CFAP54: variants seen among roughly 807,000 people sequenced by gnomAD.
CFAP54 encodes cilia and flagella associated protein 54.
CFAP54 carries 290 observed loss-of-function variants against 370.4 expected under a neutral mutation model. The observed-to-expected ratio is 0.78, with a 90% CI of 0.71 to 0.86. CFAP54 has a LOEUF of 0.86. Among genes scored for constraint, CFAP54 ranks in the 40% least tolerant of loss-of-function variants. The pLI is 0.00. For synonymous variants in CFAP54, 1,206 were observed against 1,236.5 expected, an observed-to-expected ratio of 0.98 and a Z score of 0.52; for missense variants, 3,399 against 3,528.7, an observed-to-expected ratio of 0.96 and a Z score of 0.93.
intron 26 of CFAP54, among the ~76,000 whole-genome samples, chr12:96,613,176 G>T (rs570760101): frequency 4.6e-5 from 7 of 152,286 alleles, no homozygotes; most frequent in African/African-American, 1.7e-4. Context: ...CTGTCTCTGA[G>T]ACCACAGAGC....
intron 20 of CFAP54, 35 bp from the exon 21 acceptor site, chr12:96,580,562 T>G (rs1178835659): frequency 1.6e-6 from 2 of 1,230,404 alleles, no homozygotes; most frequent in Non-Finnish European, 2.2e-6. Context: ...TATAAAAGAA[T>G]GCCTTTTAAA....
chr12:96,639,896 T>G (rs1956705282), intron 32 of CFAP54, among the ~76,000 whole-genome samples: 1 of 152,134 alleles, frequency 6.6e-6, no homozygotes, highest in African/African-American at 2.4e-5. Flanking sequence ...TGCTAAAAAC[T>G]CTCAATAAAT....
rs772609912 is a variant in CFAP54 at position 96,708,618 on chromosome 12, A to G, written c.6539A>G (p.Glu2180Gly). Residue 2180 changes from glutamate (E) to glycine (G), a missense_variant, in exon 48 of 68, where the codon GAA becomes GGA. Coordinates refer to ENST00000524981, the MANE Select transcript of CFAP54 (RefSeq NM_001306084.2). ...TTTTCCATTTTTTAGGCAATTGATGAATTAAGAAATAAAGGCTTGCCTGCA... is the reference window on the plus strand; with the variant it reads ...TTTTCCATTTTTTAGGCAATTGATGGATTAAGAAATAAAGGCTTGCCTGCA... ...TSKENIQAID[E>G]LRNKGLPAVL... is the part of the protein sequence containing the mutation. 4.2e-5 allele frequency: 67 copies of G among 1,587,932 alleles called. No individual in the cohort carries two copies. Among genetic ancestry groups the G allele is most frequent in the Non-Finnish European group, 5.5e-5 (65 of 1,173,738 alleles).
intron 39 of CFAP54, among the ~76,000 whole-genome samples, chr12:96,672,105 T>C (rs1391644059): frequency 6.6e-6 from 1 of 151,958 alleles, no homozygotes; most frequent in Non-Finnish European, 1.5e-5. Context: ...GGCTTTGTTT[T>C]GTTTGTATGT....
chr12:96,522,286 T>C, intron 8 of CFAP54, 97 bp downstream of exon 8: 1 of 834,818 alleles, frequency 1.2e-6, no homozygotes, highest in Non-Finnish European at 1.8e-6. Context: ...ATTATTAAAT[T>C]CTGCCCCCAG....
At chr12:96,645,843 A>G (rs1055945395) in intron 33 of CFAP54, 17 of 152,246 alleles carry the variant, frequency 1.1e-4, no homozygotes, top group African/African-American at 3.4e-4. Context: ...AAAACAAAAA[A>G]TGGGGAAAGG....
At chr12:96,574,246 C>G (rs1446718443) in intron 19 of CFAP54, among the ~76,000 whole-genome samples, 1 of 152,066 alleles carries the variant, frequency 6.6e-6, no homozygotes, top group African/African-American at 2.4e-5. Flanking sequence ...CAAATGGAAA[C>G]TTCAACCTCA....
rs533219700 is a variant in CFAP54, at chr12:96,829,058, G to C, written c.9141G>C (p.Leu3047Phe). 1 of 1,519,922 alleles carries C rather than the reference G, an allele frequency of 6.6e-7. No homozygotes were observed. The highest frequency in any genetic ancestry group is 1.2e-5 in the South Asian group (1 of 82,760). The allele number at this position is 1,519,922 out of a possible 1,614,324, so 94.2% of individuals were successfully genotyped here. Residue 3047 changes from leucine (L) to phenylalanine (F), a missense_variant, in exon 66 of 68, where the codon TTG becomes TTC. Transcript: ENST00000524981. ...GCTCTGAAATAGCATCTCTGTTTTT[G>C]AATGATAAAGAGCCAACACCACTAT... ...QCCSEIASLFLNDKEPTPLSE... is the reference protein window; with the variant it reads ...QCCSEIASLFFNDKEPTPLSE...
Position 96,555,549 on chromosome 12 carries a change from AATAATATATAATAC to A in CFAP54, c.2410+761_2410+774del, listed in dbSNP as rs199501861. On this transcript the variant is annotated intron_variant, in intron 17 of 67. Coordinates refer to ENST00000524981, the MANE Select transcript of CFAP54 (RefSeq NM_001306084.2). The stretch of plus-strand genomic sequence containing the variant: ...AGAATCTATCAGCATATACAAAAAT[AATAATATATAATAC>A]ATAATATATAATATGTAATATATAA... Among the ~76,000 whole-genome samples, 936 of 148,734 alleles carry A rather than the reference AATAATATATAATAC, an allele frequency of 6.3e-3. 21 individuals carry two copies. The highest frequency in any genetic ancestry group is 0.044 in the Admixed American group (646 of 14,850).
chr12:96,703,431 T>C (rs748901488), intron 46 of CFAP54, among the ~76,000 whole-genome samples: 3 of 152,096 alleles, frequency 2.0e-5, no homozygotes, highest in Non-Finnish European at 4.4e-5. Flanking sequence ...ACCATCTACA[T>C]GTGAGCAACC....
At chr12:96,638,479 C>G (rs1299286670) in intron 32 of CFAP54, among the ~76,000 whole-genome samples, 1 of 151,764 alleles carries the variant, frequency 6.6e-6, no homozygotes, top group Non-Finnish European at 1.5e-5. Context: ...CCCAAGTGAT[C>G]CTCCTGCCTC....
chr12:96,782,246 C>T (rs979127053), intron 60 of CFAP54, among the ~76,000 whole-genome samples: 1 of 151,996 alleles, frequency 6.6e-6, no homozygotes, highest in African/African-American at 2.4e-5. Flanking sequence ...GATGCCAAAA[C>T]TATTCCCTTT....
At chr12:96,569,510 G>A (rs532405211) in intron 19 of CFAP54, among the ~76,000 whole-genome samples, 12 of 152,090 alleles carry the variant, frequency 7.9e-5, no homozygotes, top group Non-Finnish European at 1.2e-4. Context: ...ACTGTGTTTC[G>A]TAGACCCTCC....
chr12:96,544,141 A>G (rs1955610349), intron 14 of CFAP54, among the ~76,000 whole-genome samples: 1 of 151,972 alleles, frequency 6.6e-6, no homozygotes, highest in Non-Finnish European at 1.5e-5. Context: ...TCCCAATAAC[A>G]TAAACCATCA....
chr12:96,592,017 A>G (rs2136434981), intron 23 of CFAP54, among the ~76,000 whole-genome samples: 1 of 151,718 alleles, frequency 6.6e-6, no homozygotes, highest in South Asian at 2.1e-4. Flanking sequence ...ATGAATTTGT[A>G]CTGAAGCCCA....
At chr12:96,494,714 A>T (rs1229686567) in intron 1 of CFAP54, among the ~76,000 whole-genome samples, 3 of 151,928 alleles carry the variant, frequency 2.0e-5, no homozygotes, top group Non-Finnish European at 4.4e-5. Flanking sequence ...AATATATTTG[A>T]CAGATGGTTA....
rs562301989 is a variant in CFAP54, at chr12:96,592,634, A to G, written c.3357A>G (p.Gln1119=). Residue 1119 remains glutamine, a synonymous_variant, in exon 24 of 68, where the codon CAA becomes CAG. Transcript: ENST00000524981. ...AAGGCAATGAGATTTTCCCATCTCA[A>G]CAAGTAAGTGAATTAAAGTGACTAA... The part of the protein sequence containing the change: ...NIKGNEIFPS[Q]QIARLIECER... 1.8e-6 allele frequency: 2 copies of G among 1,125,042 alleles called. No homozygotes were observed. Among genetic ancestry groups the G allele is most frequent in the East Asian group, 3.0e-5 (1 of 33,824 alleles). The allele number at this position is 1,125,042 out of a possible 1,614,324, so 69.7% of individuals were successfully genotyped here. A position where few individuals can be genotyped will look rare whatever the true frequency, so the allele number is the denominator to read the frequency against.
At chr12:96,536,354 A>G (rs997130165) in intron 12 of CFAP54, among the ~76,000 whole-genome samples, 1 of 152,198 alleles carries the variant, frequency 6.6e-6, no homozygotes, top group African/African-American at 2.4e-5. Context: ...TGTCATTTTT[A>G]AAAAGTATGT....
At chr12:96,497,891 C>G (rs1954975284) in intron 1 of CFAP54, among the ~76,000 whole-genome samples, 1 of 152,218 alleles carries the variant, frequency 6.6e-6, no homozygotes. Context: ...ATAGTGTGTT[C>G]ATCTTCCTGC....
Sources: allele counts gnomAD v4.1 joint callset (sites outside exome capture counted in the v4.1 genomes callset), GRCh38; gene constraint gnomAD v4.1.1; transcripts MANE v1.5; gene names NCBI Gene and HGNC (gene_info 2026-07-23, HGNC 2026-07-21).